DIAPH2: variants seen among roughly 807,000 people sequenced by gnomAD.
The protein encoded by DIAPH2 is protein diaphanous homolog 2.
A neutral mutation model predicts 92.7 loss-of-function variants in DIAPH2; 35 were observed. The ratio of observed to expected loss-of-function variants is 0.38; its 90% CI spans 0.29 to 0.50. The LOEUF (loss-of-function observed/expected upper bound fraction) is 0.50, where lower values mean the gene tolerates loss of function less well. Ranked by LOEUF, DIAPH2 falls within the 20% of genes least tolerant of loss-of-function variation. The pLI is 0.94. For synonymous variants in DIAPH2, 301 were observed against 280.4 expected (o/e 1.07, Z -0.73); for missense variants, 701 against 819.5 (o/e 0.86, Z 1.77).
rs750371607 is a variant in DIAPH2, at chrX:97,348,160, C to T, written c.2889C>T (p.Thr963=). The T allele has an allele frequency of 4.1e-6, 5 of 1,210,772 alleles. No individual in the cohort carries two copies. The South Asian group carries it at 7.0e-5, about 17-fold the overall frequency. Residue 963 remains threonine (T), a synonymous_variant, in exon 24 of 27, where the codon ACC becomes ACT. Coordinates refer to ENST00000324765, the MANE Select transcript of DIAPH2 (RefSeq NM_006729.5). ...TAREQYEKLS[T]MHNNMMKLYE... ...GAGAACAGTATGAAAAACTCTCCAC[C>T]ATGCACAACAACATGATGAAGCTCT...
intron 20 of DIAPH2, among the ~76,000 whole-genome samples, chrX:97,106,348 G>A (rs1028206244): frequency 2.7e-5 from 3 of 110,835 alleles, no homozygotes; most frequent in Non-Finnish European, 5.7e-5. Context: ...TTTGAGATCA[G>A]GTAAAAGAAA....
intron 23 of DIAPH2, among the ~76,000 whole-genome samples, chrX:97,286,183 G>C (rs1162106697): frequency 9.4e-6 from 1 of 106,619 alleles, no homozygotes; most frequent in Non-Finnish European, 1.9e-5. Context: ...ATTACAGGTG[G>C]GATTACAGGC....
intron 22 of DIAPH2, among the ~76,000 whole-genome samples, chrX:97,236,169 G>A (rs1352886410): frequency 1.8e-5 from 2 of 111,457 alleles, no homozygotes; most frequent in East Asian, 2.8e-4. Context: ...GTGAAAATTC[G>A]TGGCTTTGTA....
chrX:97,567,303 T>C (rs2147872076), intron 26 of DIAPH2, among the ~76,000 whole-genome samples: 1 of 112,199 alleles, frequency 8.9e-6, no homozygotes, highest in East Asian at 2.8e-4. Flanking sequence ...ACAACCTGAA[T>C]TCTTTGTCTC....
intron 22 of DIAPH2, among the ~76,000 whole-genome samples, chrX:97,183,681 A>T (rs1304211652): frequency 8.9e-6 from 1 of 112,000 alleles, no homozygotes. Context: ...CATGAGACAG[A>T]TTTTCTTTAG....
In DIAPH2 at chrX:97,470,722, A is replaced by G. The variant is rs762582066; in HGVS notation, c.3241+40977A>G. Among the ~76,000 whole-genome samples the G allele has an allele frequency of 1.4e-4, 15 of 109,611 alleles. No individual in the cohort carries two copies. In the East Asian group the frequency reaches 4.3e-3, roughly 31 times the overall value. ...AAAAAAAAAAACAACCACGCAAGAG[A>G]CTCGGCTCTTGGCTCTCAGCTCCAA... On this transcript the variant is annotated intron_variant, in intron 26 of 26. Coordinates refer to ENST00000324765, the MANE Select transcript of DIAPH2 (RefSeq NM_006729.5).
At chrX:96,939,207 C>T in intron 11 of DIAPH2, 59 bp from the exon 12 acceptor site, 1 of 523,199 alleles carries the variant, frequency 1.9e-6, no homozygotes, top group Non-Finnish European at 3.3e-6. Flanking sequence ...AAGTTAAACT[C>T]CTTTGTTATG....
chrX:96,946,732 G>T (rs2065740230), intron 14 of DIAPH2, among the ~76,000 whole-genome samples: 1 of 111,349 alleles, frequency 9.0e-6, no homozygotes, highest in Non-Finnish European at 1.9e-5. Context: ...TTAAGTTTTG[G>T]CTGGCACTGT....
At position 97,602,901 on chromosome X, in the gene DIAPH2, A is replaced by G. The variant is rs2071603515; in HGVS notation, c.*3584A>G. ...AGTTGGAAGTGTTTCTGATGGTAGAACATTCTCAAAAATCTTGTGGGTCTT... is the reference window on the plus strand; with the variant it reads ...AGTTGGAAGTGTTTCTGATGGTAGAGCATTCTCAAAAATCTTGTGGGTCTT... On this transcript the variant is annotated 3_prime_UTR_variant, in exon 27 of 27. Transcript: ENST00000324765. 1 of 111,902 alleles carries G rather than the reference A, an allele frequency of 8.9e-6. No homozygotes were observed. Among genetic ancestry groups the G allele is most frequent in the Admixed American group, 9.5e-5 (1 of 10,541 alleles). 9.2% of individuals were successfully genotyped at this position (111,902 alleles called of 1,213,427 possible).
intron 26 of DIAPH2, among the ~76,000 whole-genome samples, chrX:97,550,821 G>C (rs1420338943): frequency 9.0e-6 from 1 of 111,287 alleles, no homozygotes; most frequent in Non-Finnish European, 1.9e-5. Context: ...CTACTTTGTG[G>C]GTTGTGAGGG....
chrX:97,200,243 T>A (rs2067736251), intron 22 of DIAPH2, among the ~76,000 whole-genome samples: 1 of 112,313 alleles, frequency 8.9e-6, no homozygotes, highest in South Asian at 3.7e-4. Context: ...GCCCTGGGTC[T>A]CAAGCACAAA....
intron 23 of DIAPH2, among the ~76,000 whole-genome samples, chrX:97,277,359 T>TA (rs199877948): frequency 0.012 from 1,252 of 108,597 alleles, 14 homozygotes; most frequent in African/African-American, 0.04. Context: ...AAATTAAAAA[T>TA]AAAAAAAAAG....
chrX:96,905,953 C>G (rs777369361), intron 5 of DIAPH2, among the ~76,000 whole-genome samples: 27 of 111,787 alleles, frequency 2.4e-4, no homozygotes, highest in African/African-American at 7.5e-4. Flanking sequence ...CACGATGAAA[C>G]CCCATCTCCA....
chrX:96,852,402 G>T (rs184991471), intron 4 of DIAPH2, among the ~76,000 whole-genome samples: 2 of 112,070 alleles, frequency 1.8e-5, no homozygotes, highest in East Asian at 5.6e-4. Context: ...AATCCTTTTT[G>T]TAGGTGTTCA....
chrX:97,187,280 C>CTTTTTT (rs1569323905), intron 22 of DIAPH2, among the ~76,000 whole-genome samples: 13 of 10,211 alleles, frequency 1.3e-3, no homozygotes, highest in African/African-American at 1.7e-3. Context: ...AATTAAGTAG[C>CTTTTTT]CTTTTTTTTT....
intron 22 of DIAPH2, among the ~76,000 whole-genome samples, chrX:97,242,825 T>C (rs1353936546): frequency 9.2e-6 from 1 of 108,534 alleles, no homozygotes; most frequent in African/African-American, 3.4e-5. Flanking sequence ...CTTGTTCTGT[T>C]GCCCAGGCTG....
At chrX:96,906,501 T>C (rs2065435065) in intron 5 of DIAPH2, among the ~76,000 whole-genome samples, 1 of 112,286 alleles carries the variant, frequency 8.9e-6, no homozygotes, top group Admixed American at 9.4e-5. Context: ...TATTGTGATG[T>C]TTTATATACA....
chrX:96,944,376 G>A (rs1169232039), intron 13 of DIAPH2, among the ~76,000 whole-genome samples: 3 of 111,644 alleles, frequency 2.7e-5, no homozygotes, highest in African/African-American at 9.7e-5. Context: ...TACATTTGAT[G>A]TAAGAAAAAC....
At chrX:97,176,801 A>G (rs939087976) in intron 22 of DIAPH2, among the ~76,000 whole-genome samples, 2 of 111,752 alleles carry the variant, frequency 1.8e-5, no homozygotes, top group Admixed American at 9.6e-5. Context: ...TGCTGGGATT[A>G]CAGGCGTGAG....
Sources: gnomAD v4.1 joint callset for allele counts (sites outside exome capture counted in the v4.1 genomes callset) on GRCh38, gnomAD v4.1.1 for gene constraint, MANE v1.5 for transcripts, NCBI Gene and HGNC (gene_info 2026-07-23, HGNC 2026-07-21) for gene names.